The following COL24A1 variants were observed in gnomAD, a reference collection of about 807,000 sequenced individuals.
COL24A1 encodes the protein collagen type XXIV alpha 1 chain.
COL24A1 carries 224 observed loss-of-function variants against 253.9 expected under a neutral mutation model. The observed-to-expected ratio is 0.88, with a 90% confidence interval of 0.79 to 0.99. The LOEUF is 0.99. COL24A1 is among the 50% of genes least tolerant of loss of function. The pLI is 0.00. For missense variants in COL24A1, 2,131 were observed against 2,068.5 expected, an observed-to-expected ratio of 1.03 and a Z score of -0.59; for synonymous variants, 685 against 673.7, an observed-to-expected ratio of 1.02 and a Z score of -0.26.
intron 20 of COL24A1, among the ~76,000 whole-genome samples, chr1:85,983,352 G>A (rs901681768): frequency 6.6e-6 from 1 of 151,712 alleles, no homozygotes; most frequent in Non-Finnish European, 1.5e-5. Flanking sequence ...AAGGCTTACT[G>A]ATGTATGTTT....
Position 85,783,537 on chromosome 1 carries a change from TGCCA to T in COL24A1, c.4239_4242del (p.Gly1414LeufsTer25). On this transcript the variant is annotated frameshift_variant, in exon 51 of 60. Transcript: ENST00000370571. LOFTEE classifies it high-confidence loss of function. ...CCTTTAGGACCTGATATCCCAACAA[TGCCA>T]GCATCCCCTTCAGGACCCTAGACAT... is the stretch of plus-strand genomic sequence containing the variant. 1.2e-6 allele frequency: 2 copies of T among 1,613,428 alleles called. No individual in the cohort carries two copies.
intron 47 of COL24A1, among the ~76,000 whole-genome samples, chr1:85,808,814 A>T (rs1355125149): frequency 6.6e-6 from 1 of 152,198 alleles, no homozygotes; most frequent in Non-Finnish European, 1.5e-5. Context: ...TAATTGATGC[A>T]AGGCTGGCCC....
chr1:85,766,960 C>T (rs112869643), intron 53 of COL24A1, among the ~76,000 whole-genome samples: 20 of 151,908 alleles, frequency 1.3e-4, no homozygotes, highest in African/African-American at 2.7e-4. Context: ...AAAAATTAGC[C>T]GGGTGTGGTG....
At chr1:85,837,940 C>T (rs1464192213) in intron 43 of COL24A1, among the ~76,000 whole-genome samples, 1 of 151,996 alleles carries the variant, frequency 6.6e-6, no homozygotes, top group African/African-American at 2.4e-5. Context: ...ACAGAACATC[C>T]TCAAAAACAA....
chr1:85,870,558 C>T (rs1409380523), intron 35 of COL24A1, among the ~76,000 whole-genome samples: 1 of 152,192 alleles, frequency 6.6e-6, no homozygotes, highest in African/African-American at 2.4e-5. Context: ...CAACACTGCT[C>T]AACCACATGG....
At chr1:85,818,174 T>C in intron 45 of COL24A1, 87 bp from the exon 46 acceptor site, 1 of 1,029,264 alleles carries the variant, frequency 9.7e-7, no homozygotes, top group South Asian at 1.3e-5. Flanking sequence ...ACCTGGACGC[T>C]GCAGCAAGAA....
chr1:85,910,715 G>A (rs1685285086), intron 25 of COL24A1, among the ~76,000 whole-genome samples: 1 of 151,946 alleles, frequency 6.6e-6, no homozygotes. Context: ...ATGAGAGTTA[G>A]AAGAGATATT....
intron 24 of COL24A1, among the ~76,000 whole-genome samples, chr1:85,935,091 C>T (rs1001410314): frequency 2.0e-5 from 3 of 152,030 alleles, no homozygotes; most frequent in African/African-American, 7.2e-5. Context: ...AAACTCTCTC[C>T]TAATATTTTT....
chr1:85,888,059 G>A (rs1289535120), intron 32 of COL24A1, among the ~76,000 whole-genome samples: 1 of 151,750 alleles, frequency 6.6e-6, no homozygotes, highest in African/African-American at 2.4e-5. Context: ...TCAGTGAATA[G>A]TATCATCAAC....
At chr1:85,865,360 G>A (rs1039829640) in intron 37 of COL24A1, among the ~76,000 whole-genome samples, 8 of 152,046 alleles carry the variant, frequency 5.3e-5, no homozygotes, top group Non-Finnish European at 1.2e-4. Context: ...TTTTTATTGA[G>A]TTTACAAGCT....
intron 28 of COL24A1, among the ~76,000 whole-genome samples, chr1:85,903,469 G>A (rs1397440164): frequency 6.6e-6 from 1 of 152,142 alleles, no homozygotes; most frequent in Non-Finnish European, 1.5e-5. Context: ...CTGTAAGAAA[G>A]TCAAATAGCA....
chr1:86,146,042 G>T (rs999105299), intron 2 of COL24A1, 77 bp downstream of exon 2: 4 of 1,180,018 alleles, frequency 3.4e-6, no homozygotes, highest in Non-Finnish European at 5.0e-6. Context: ...GTTATAATGA[G>T]TTGAAAGTTA....
At chr1:86,119,574 C>A (rs557147264) in intron 3 of COL24A1, among the ~76,000 whole-genome samples, 2 of 152,170 alleles carry the variant, frequency 1.3e-5, no homozygotes, top group African/African-American at 2.4e-5. Context: ...AAGGGTTTCG[C>A]AACAAATTGT....
chr1:85,925,579 TC>T lies in COL24A1; in HGVS notation c.2563-14147del, dbSNP rs1044268696. 2.8e-4 allele frequency among the ~76,000 whole-genome samples: 43 copies of T among 152,306 alleles called. No individual in the cohort carries two copies. In the East Asian group the frequency reaches 8.3e-3, roughly 29 times the overall value. ...GAAAAACAAGCAATGGGGAAAGGAT[TC>T]CCTATTTAATAAATGGTGCTGGGAA... On this transcript the variant is annotated intron_variant, in intron 24 of 59. Transcript: ENST00000370571.
chr1:86,104,980 G>T (rs1427831556), intron 5 of COL24A1, among the ~76,000 whole-genome samples: 1 of 152,222 alleles, frequency 6.6e-6, no homozygotes, highest in Non-Finnish European at 1.5e-5. Flanking sequence ...ACTGGTGGTG[G>T]TGTTAGCACA....
intron 28 of COL24A1, among the ~76,000 whole-genome samples, chr1:85,906,970 C>G (rs1684898186): frequency 6.6e-6 from 1 of 151,660 alleles, no homozygotes; most frequent in Admixed American, 6.6e-5. Flanking sequence ...GTTAGTGATA[C>G]ATGTAAAAAT....
At chr1:86,106,208 T>C (rs1050206101) in intron 5 of COL24A1, among the ~76,000 whole-genome samples, 5 of 152,084 alleles carry the variant, frequency 3.3e-5, no homozygotes, top group Admixed American at 6.6e-5. Flanking sequence ...TACTTCTAGT[T>C]AAGATAAATA....
chr1:85,832,151 C>T (rs923269586), intron 43 of COL24A1, among the ~76,000 whole-genome samples: 3 of 151,994 alleles, frequency 2.0e-5, no homozygotes, highest in African/African-American at 7.2e-5. Flanking sequence ...ATATGGCTAG[C>T]CAGTTTTCCT....
chr1:86,102,016 C>CT (rs199582840), intron 5 of COL24A1, among the ~76,000 whole-genome samples: 451 of 146,202 alleles, frequency 3.1e-3, no homozygotes, highest in Non-Finnish European at 4.7e-3. Flanking sequence ...TGGTCCTGAG[C>CT]TTTTTTTTTT....
Sources: gnomAD v4.1 joint callset for allele counts (sites outside exome capture counted in the v4.1 genomes callset) on GRCh38, gnomAD v4.1.1 for gene constraint, MANE v1.5 for transcripts, NCBI Gene and HGNC (gene_info 2026-07-23, HGNC 2026-07-21) for gene names.